TACC1: variants seen among roughly 807,000 people sequenced by gnomAD.
TACC1 encodes the protein transforming acidic coiled-coil containing protein 1, also known as transforming acidic coiled-coil-containing protein 1.
Under a neutral mutation model 84.4 loss-of-function variants are expected in TACC1, and 48 were observed. That is an observed-to-expected ratio of 0.57 (90% confidence interval 0.45 to 0.72). The LOEUF is 0.72. Among genes scored for constraint, TACC1 ranks in the 30% least tolerant of loss-of-function variants. The pLI is 0.00. For synonymous variants in TACC1, 372 were observed against 376.3 expected (o/e 0.99, Z 0.13); for missense variants, 920 against 973.0 (o/e 0.95, Z 0.72).
At chr8:38,792,505 G>C (rs547843518) in intron 2 of TACC1, among the ~76,000 whole-genome samples, 12 of 151,886 alleles carry the variant, frequency 7.9e-5, no homozygotes, top group African/African-American at 2.7e-4. Flanking sequence ...TCGCTCTGTT[G>C]CCCTGGCTGA....
Position 38,787,606 on chromosome 8 carries a change from C to T in TACC1, c.24C>T (p.Ile8=). 1.3e-6 allele frequency: 2 copies of T among 1,545,036 alleles called. No individual in the cohort carries two copies. The highest frequency in any genetic ancestry group is 1.2e-5 in the South Asian group (1 of 84,054). ...TCATGGCGTTCAGCCCGTGGCAGAT[C>T]CTGTCCCCCGTGCAGTGGGCGAAAT... The part of the protein sequence containing the change: MAFSPWQ[I]LSPVQWAKWT... Residue 8 remains isoleucine, a synonymous_variant, in exon 1 of 13, where the codon ATC becomes ATT. Coordinates refer to ENST00000317827, the MANE Select transcript of TACC1 (RefSeq NM_006283.3).
At chr8:38,748,920 G>A (rs1174155376) in intron 3 of TACC1, among the ~76,000 whole-genome samples, 1 of 151,852 alleles carries the variant, frequency 6.6e-6, no homozygotes, top group Non-Finnish European at 1.5e-5. Context: ...AAAGCAAGCA[G>A]AGGAAGAAAA....
Position 38,852,556 on chromosome 8 carries a change from ACTC to A in TACC1, c.*4534_*4536del, listed in dbSNP as rs1255052582. 1 of 152,658 alleles carries A rather than the reference ACTC, an allele frequency of 6.6e-6. No homozygotes were observed. The highest frequency in any genetic ancestry group is 1.9e-4 in the East Asian group (1 of 5,198). 9.5% of individuals were successfully genotyped at this position (152,658 alleles called of 1,614,324 possible). A position where few individuals can be genotyped will look rare whatever the true frequency, so the allele number is the denominator to read the frequency against. ...TTCAGATGGACATGTACAAATTTGA[ACTC>A]AAACCATCCCCAGTCCAGATACAGG... On this transcript the variant is annotated 3_prime_UTR_variant, in exon 13 of 13. Coordinates refer to ENST00000317827, the MANE Select transcript of TACC1 (RefSeq NM_006283.3).
rs11414868 is a variant in TACC1, at chr8:38,837,105, C to CTT, written c.1839+836_1839+837dup. 7.2e-3 allele frequency among the ~76,000 whole-genome samples: 872 copies of CTT among 120,854 alleles called. 10 individuals carry two copies. Among genetic ancestry groups the CTT allele is most frequent in the African/African-American group, 0.01 (332 of 32,282 alleles). 79.3% of individuals were successfully genotyped at this position (120,854 alleles called of 152,430 possible). ...CAGTGGTAATAAGGCCCACCAAAAT[C>CTT]TTTTTTTTTTTTTTTTTTTGAGATA... On this transcript the variant is annotated intron_variant, in intron 7 of 12. Coordinates refer to ENST00000317827, the MANE Select transcript of TACC1 (RefSeq NM_006283.3).
At chr8:38,796,131 C>T (rs781443292) in intron 2 of TACC1, among the ~76,000 whole-genome samples, 6 of 152,176 alleles carry the variant, frequency 3.9e-5, no homozygotes, top group Admixed American at 3.9e-4. Context: ...AACAAGTAAT[C>T]TTTGTTTGCA....
chr8:38,777,732 CT>C (rs1349388440), intron 3 of TACC1, among the ~76,000 whole-genome samples: 2 of 152,150 alleles, frequency 1.3e-5, no homozygotes, highest in East Asian at 3.9e-4. Context: ...GAGCTCGAGG[CT>C]ATAGTGAGAT....
rs10670002 is a variant in TACC1, at chr8:38,732,186, G to GGGAAAGGAAA, written c.-675+3531_-675+3540dup. Among the ~76,000 whole-genome samples, 139 of 127,162 alleles carry GGGAAAGGAAA rather than the reference G, an allele frequency of 1.1e-3. 2 individuals carry two copies. The highest frequency in any genetic ancestry group is 5.8e-3 in the East Asian group (29 of 4,988). 83.4% of individuals were successfully genotyped at this position (127,162 alleles called of 152,430 possible). A position where few individuals can be genotyped will look rare whatever the true frequency, so the allele number is the denominator to read the frequency against. ...GAAGGAAGGAAGGAAGGAAGGAAGA[G>GGGAAAGGAAA]GGAAAGGAAAGGAAAGGAAAGGAAA... On this transcript the variant is annotated intron_variant, in intron 1 of 14. Coordinates refer to the TACC1 transcript ENST00000518415.
intron 3 of TACC1, among the ~76,000 whole-genome samples, chr8:38,766,160 C>G (rs1812206188): frequency 6.6e-6 from 1 of 152,154 alleles, no homozygotes; most frequent in Non-Finnish European, 1.5e-5. Flanking sequence ...AGACTTGGTA[C>G]CCTTGATGAG....
At position 38,850,052 on chromosome 8, in the gene TACC1, C is replaced by T. The variant is rs1361566501; in HGVS notation, c.*2029C>T. On this transcript the variant is annotated 3_prime_UTR_variant, in exon 13 of 13. Transcript: ENST00000317827. Reference sequence around the variant, plus strand: ...TTTAAGTATGAGAGGCTTATAGTGCCCTCCATTGTAAATCCATAGTCATCT... The same window carrying T: ...TTTAAGTATGAGAGGCTTATAGTGCTCTCCATTGTAAATCCATAGTCATCT... 6.6e-6 allele frequency: 1 copy of T among 152,538 alleles called. No homozygotes were observed. Among genetic ancestry groups the T allele is most frequent in the Non-Finnish European group, 1.5e-5 (1 of 68,022 alleles). The allele number at this position is 152,538 out of a possible 1,614,324, so 9.4% of individuals were successfully genotyped here.
rs534187138 is a variant in TACC1, at chr8:38,773,273, C to T, written c.27-15431C>T. 9.9e-5 allele frequency among the ~76,000 whole-genome samples: 15 copies of T among 151,502 alleles called. No homozygotes were observed. The East Asian group carries it at 1.2e-3, about 12-fold the overall frequency. The stretch of plus-strand genomic sequence containing the variant: ...ATTGGAAAGTGGAGTTGTGGCGAGC[C>T]GAGATCATGCCACTGCACTCTAGCC... On this transcript the variant is annotated intron_variant, in intron 3 of 14. Coordinates refer to the TACC1 transcript ENST00000518415.
intron 1 of TACC1, among the ~76,000 whole-genome samples, chr8:38,730,587 G>A (rs1804728622): frequency 6.6e-6 from 1 of 152,216 alleles, no homozygotes; most frequent in Non-Finnish European, 1.5e-5. Flanking sequence ...CGGAAAGGAA[G>A]AGCCACTGAG....
upstream of TACC1, among the ~76,000 whole-genome samples, chr8:38,782,690 G>A (rs1289594032): frequency 2.0e-5 from 3 of 152,168 alleles, no homozygotes; most frequent in Admixed American, 6.5e-5. Context: ...AAATACAATA[G>A]TGTTGTTTAG....
intron 9 of TACC1, 121 bp from the exon 10 acceptor site, chr8:38,842,166 A>G: frequency 2.6e-6 from 3 of 1,146,584 alleles, no homozygotes; most frequent in South Asian, 3.0e-5. Flanking sequence ...AGTATAAGCC[A>G]TAAGAGCGGG....
chr8:38,741,018 CA>C (rs1228674170), intron 1 of TACC1, among the ~76,000 whole-genome samples: 1 of 152,154 alleles, frequency 6.6e-6, no homozygotes, highest in African/African-American at 2.4e-5. Context: ...ACTTCTAAGC[CA>C]AAAGAACCTT....
At chr8:38,735,839 T>C (rs1040259513) in intron 1 of TACC1, among the ~76,000 whole-genome samples, 10 of 152,184 alleles carry the variant, frequency 6.6e-5, no homozygotes, top group Admixed American at 5.9e-4. Flanking sequence ...TTTGTTAGCA[T>C]AAAAGAGAAA....
intron 2 of TACC1, among the ~76,000 whole-genome samples, chr8:38,803,887 G>C (rs1440399012): frequency 2.0e-5 from 3 of 152,124 alleles, no homozygotes; most frequent in Non-Finnish European, 2.9e-5. Flanking sequence ...GTCTGGTCCA[G>C]GTCTTTTCTT....
chr8:38,797,848 T>C (rs1171862322), intron 2 of TACC1, among the ~76,000 whole-genome samples: 1 of 152,104 alleles, frequency 6.6e-6, no homozygotes, highest in African/African-American at 2.4e-5. Context: ...AGGTTGGGGA[T>C]GGGGGAGAAG....
intron 1 of TACC1, among the ~76,000 whole-genome samples, chr8:38,741,638 A>G (rs1807089931): frequency 6.6e-6 from 1 of 152,188 alleles, no homozygotes; most frequent in East Asian, 1.9e-4. Context: ...TAGTGAATGG[A>G]AATAAAGTAT....
chr8:38,732,074 T>C (rs570789939), intron 1 of TACC1, among the ~76,000 whole-genome samples: 5 of 151,528 alleles, frequency 3.3e-5, no homozygotes, highest in African/African-American at 7.3e-5. Context: ...ATTGTACCAC[T>C]GCACTCCAGC....
Sources: gnomAD v4.1 joint callset for allele counts (sites outside exome capture counted in the v4.1 genomes callset) on GRCh38, gnomAD v4.1.1 for gene constraint, MANE v1.5 for transcripts, NCBI Gene and HGNC (gene_info 2026-07-23, HGNC 2026-07-21) for gene names.